Variants in PARD3B observed in about 807,000 individuals in gnomAD.
PARD3B encodes partitioning defective 3 homolog B.
In PARD3B, 103 loss-of-function variants were observed where a neutral mutation model predicts 130.2. That is an observed-to-expected ratio of 0.79 (90% CI 0.67 to 0.93). The LOEUF is 0.93. PARD3B is among the 40% of genes least tolerant of loss of function. PARD3B has a pLI of 0.00. For missense variants in PARD3B, 1,609 were observed against 1,499.2 expected (o/e 1.07, Z -1.21); for synonymous variants, 583 against 553.2 (o/e 1.05, Z -0.76).
At chr2:205,159,599 G>A (rs955288759) in intron 11 of PARD3B, among the ~76,000 whole-genome samples, 3 of 152,152 alleles carry the variant, frequency 2.0e-5, no homozygotes, top group Non-Finnish European at 4.4e-5. Flanking sequence ...CCGGTAGAAT[G>A]GTGATAATAA....
intron 1 of PARD3B, among the ~76,000 whole-genome samples, chr2:204,585,831 G>A (rs149141294): frequency 1.8e-3 from 276 of 151,868 alleles, no homozygotes; most frequent in Middle Eastern, 0.01. Flanking sequence ...TTAAAAATAC[G>A]CATTGTAATC....
At chr2:204,565,397 G>T (rs2031612136) in intron 1 of PARD3B, among the ~76,000 whole-genome samples, 2 of 152,060 alleles carry the variant, frequency 1.3e-5, no homozygotes, top group South Asian at 2.1e-4. Flanking sequence ...ACAATGCATT[G>T]GTTCATGTGG....
chr2:205,571,102 G>A (rs1175719801), intron 22 of PARD3B, among the ~76,000 whole-genome samples: 2 of 152,148 alleles, frequency 1.3e-5, no homozygotes, highest in Admixed American at 1.3e-4. Context: ...TGCTGGTGGA[G>A]GGCAAATGTG....
chr2:204,643,033 G>A (rs2035137770), intron 1 of PARD3B, among the ~76,000 whole-genome samples: 1 of 145,096 alleles, frequency 6.9e-6, no homozygotes, highest in African/African-American at 2.5e-5. Context: ...AGAATCATTT[G>A]AACCCGGGGG....
intron 15 of PARD3B, among the ~76,000 whole-genome samples, chr2:205,236,775 GACACA>G (rs1437941838): frequency 2.0e-5 from 3 of 152,096 alleles, no homozygotes; most frequent in African/African-American, 7.2e-5. Context: ...TCATATGGTG[GACACA>G]TCACGTTACT....
chr2:205,061,328 C>T (rs1206707909), intron 4 of PARD3B, among the ~76,000 whole-genome samples: 2 of 152,116 alleles, frequency 1.3e-5, no homozygotes, highest in East Asian at 3.9e-4. Flanking sequence ...TGGTTAAGAA[C>T]ATGGACTGTA....
chr2:205,014,247 A>G (rs1053003410), intron 3 of PARD3B, among the ~76,000 whole-genome samples: 1 of 152,178 alleles, frequency 6.6e-6, no homozygotes, highest in African/African-American at 2.4e-5. Flanking sequence ...GAAAACCAGA[A>G]ATTTCCTGAC....
intron 2 of PARD3B, among the ~76,000 whole-genome samples, chr2:204,845,595 A>G (rs769820144): frequency 1.3e-5 from 2 of 152,096 alleles, no homozygotes; most frequent in East Asian, 1.9e-4. Flanking sequence ...GATTGCACCT[A>G]TGCATGAAAT....
chr2:205,087,821 C>T (rs1318997003), intron 4 of PARD3B, among the ~76,000 whole-genome samples: 2 of 148,320 alleles, frequency 1.3e-5, no homozygotes, highest in African/African-American at 4.8e-5. Flanking sequence ...AACAGCTCTA[C>T]CAGGCTTGAA....
In PARD3B at chr2:205,537,621, G is replaced by A. The variant is rs148283652; in HGVS notation, c.3181-15703G>A. 2.5e-3 allele frequency among the ~76,000 whole-genome samples: 387 copies of A among 152,254 alleles called. 2 individuals are homozygous for A. Among genetic ancestry groups the A allele is most frequent in the African/African-American group, 8.4e-3 (351 of 41,552 alleles). The stretch of plus-strand genomic sequence containing the variant: ...ATTTAGGAAAACCCATCAATGGACC[G>A]ATAGCAAAATGGCTGAGGTCAGTAG... On this transcript the variant is annotated intron_variant, in intron 21 of 22. Transcript: ENST00000406610.
rs1394644417 is a variant in PARD3B, at chr2:204,799,871, G to T, written c.222+113589G>T. On this transcript the variant is annotated intron_variant, in intron 2 of 22. Transcript: ENST00000406610. This position sits in a 1 kb window ranked among gnomAD's most constrained non-coding sequence, Gnocchi z 4.1. ...ACTAAAGATTTATATCACAGCATCA[G>T]TTCCCTTGGAATACTTGGTAAGCCT... Among the ~76,000 whole-genome samples, 1 of 152,186 alleles carries T rather than the reference G, an allele frequency of 6.6e-6. No homozygotes were observed. The highest frequency in any genetic ancestry group is 1.5e-5 in the Non-Finnish European group (1 of 68,048).
chr2:205,361,701 C>T lies in PARD3B; in HGVS notation c.2631-39312C>T, dbSNP rs188073822. On this transcript the variant is annotated intron_variant, in intron 18 of 22. Transcript: ENST00000406610. The stretch of plus-strand genomic sequence containing the variant: ...TTAACTAAGAGGACAACAATTTTTC[C>T]GAGTTTAGGAAGCAATTTCCATTTT... 1.5e-4 allele frequency among the ~76,000 whole-genome samples: 23 copies of T among 152,230 alleles called. No individual in the cohort carries two copies. The East Asian group carries it at 3.7e-3, about 24-fold the overall frequency.
intron 19 of PARD3B, among the ~76,000 whole-genome samples, chr2:205,439,426 C>T (rs1389691248): frequency 6.6e-6 from 1 of 152,190 alleles, no homozygotes; most frequent in East Asian, 1.9e-4. Flanking sequence ...AAGACCTCCT[C>T]ACACCATCAA....
At chr2:204,695,006 T>C (rs1195719336) in intron 2 of PARD3B, among the ~76,000 whole-genome samples, 1 of 152,068 alleles carries the variant, frequency 6.6e-6, no homozygotes, top group Non-Finnish European at 1.5e-5. Flanking sequence ...AGAAAATGTT[T>C]GATATGTGTG....
intron 2 of PARD3B, among the ~76,000 whole-genome samples, chr2:204,804,508 C>G (rs1340074799): frequency 6.6e-6 from 1 of 152,088 alleles, no homozygotes; most frequent in African/African-American, 2.4e-5. Flanking sequence ...GCAAATATTA[C>G]TGTAGTGAAA....
At chr2:205,113,165 A>G (rs1465499382) in intron 5 of PARD3B, among the ~76,000 whole-genome samples, 2 of 152,096 alleles carry the variant, frequency 1.3e-5, no homozygotes, top group African/African-American at 4.8e-5. Context: ...AATGGGGAAA[A>G]TTTTAATTTT....
intron 4 of PARD3B, among the ~76,000 whole-genome samples, chr2:205,095,754 C>T (rs913114444): frequency 1.8e-4 from 27 of 151,958 alleles, no homozygotes; most frequent in Admixed American, 1.5e-3. Flanking sequence ...CAAAAATAAG[C>T]GATAAAACCA....
At chr2:204,959,310 AT>A (rs1690544062) in intron 2 of PARD3B, among the ~76,000 whole-genome samples, 1 of 152,144 alleles carries the variant, frequency 6.6e-6, no homozygotes, top group Non-Finnish European at 1.5e-5. Flanking sequence ...ACATGAACTC[AT>A]TCTTTTTTAT....
At chr2:205,226,396 T>C (rs1228957340) in intron 15 of PARD3B, among the ~76,000 whole-genome samples, 2 of 152,212 alleles carry the variant, frequency 1.3e-5, no homozygotes, top group Non-Finnish European at 2.9e-5. Context: ...GTTGGTTGCT[T>C]GTACTTGTGG....
Sources: allele counts gnomAD v4.1 joint callset (sites outside exome capture counted in the v4.1 genomes callset), GRCh38; gene constraint gnomAD v4.1.1; non-coding constraint Gnocchi (gnomAD v3.1); transcripts MANE v1.5; gene names NCBI Gene and HGNC (gene_info 2026-07-23, HGNC 2026-07-21).